PHACTR1: variants seen among roughly 807,000 people sequenced by gnomAD.
The protein encoded by PHACTR1 is phosphatase and actin regulator 1.
In PHACTR1, 16 loss-of-function variants were observed where a neutral mutation model predicts 69.2. That is an observed-to-expected ratio of 0.23 (90% CI 0.16 to 0.35). PHACTR1 has a LOEUF of 0.35. PHACTR1 is among the 10% of genes least tolerant of loss of function. PHACTR1 has a pLI of 1.00. For synonymous variants in PHACTR1, 312 were observed against 284.5 expected (o/e 1.10, Z -0.97); for missense variants, 510 against 734.7 (o/e 0.69, Z 3.54).
chr6:13,105,536 C>A (rs35654535), intron 5 of PHACTR1, among the ~76,000 whole-genome samples: 27,973 of 152,024 alleles, frequency 0.18, 2,733 homozygotes, highest in Middle Eastern at 0.23. Flanking sequence ...TGACACTAAC[C>A]ATCCAGTTAG....
intron 7 of PHACTR1, among the ~76,000 whole-genome samples, chr6:13,196,262 CATTTTTATCCCAGGAATCAAG>C (rs1764399309): frequency 7.8e-6 from 1 of 128,860 alleles, no homozygotes; most frequent in Admixed American, 7.3e-5. Context: ...GGAAAGGAGG[CATTTTTATCCCAGGAATCAAG>C]GGAAAGGAGG....
chr6:12,993,532 C>G (rs1226778361), intron 4 of PHACTR1, among the ~76,000 whole-genome samples: 1 of 152,180 alleles, frequency 6.6e-6, no homozygotes, highest in Non-Finnish European at 1.5e-5. Flanking sequence ...AGAGATGTGA[C>G]AGGCTTGCAT....
chr6:13,105,512 C>G (rs183299255), intron 5 of PHACTR1, among the ~76,000 whole-genome samples: 2 of 152,220 alleles, frequency 1.3e-5, no homozygotes, highest in Non-Finnish European at 2.9e-5. Flanking sequence ...ACTGAGTATA[C>G]AGCAGTTCAA....
intron 4 of PHACTR1, among the ~76,000 whole-genome samples, chr6:12,823,433 C>A (rs1006845981): frequency 1.3e-5 from 2 of 151,924 alleles, no homozygotes; most frequent in Non-Finnish European, 2.9e-5. Flanking sequence ...TCCAATAGTT[C>A]AAAAAAATCA....
intron 4 of PHACTR1, among the ~76,000 whole-genome samples, chr6:13,006,773 T>C (rs1582932372): frequency 6.6e-6 from 1 of 152,320 alleles, no homozygotes; most frequent in Middle Eastern, 3.4e-3. Context: ...CACAAGTTCA[T>C]GTCTCATAGT....
At chr6:12,790,275 C>T (rs1255168248) in intron 4 of PHACTR1, among the ~76,000 whole-genome samples, 1 of 152,094 alleles carries the variant, frequency 6.6e-6, no homozygotes, top group Non-Finnish European at 1.5e-5. Flanking sequence ...GATGGCATTC[C>T]CTAGAATTGC....
intron 5 of PHACTR1, among the ~76,000 whole-genome samples, chr6:13,097,213 T>C (rs988860659): frequency 6.6e-6 from 1 of 152,234 alleles, no homozygotes; most frequent in Non-Finnish European, 1.5e-5. Flanking sequence ...TATTTCTAGA[T>C]CTTCAAATGG....
chr6:12,808,772 CCTT>C (rs1462058962), intron 4 of PHACTR1, among the ~76,000 whole-genome samples: 2 of 59,700 alleles, frequency 3.4e-5, no homozygotes, highest in Non-Finnish European at 7.1e-5. Context: ...TTCTTCTTCT[CCTT>C]CTCCTTCTCC....
chr6:13,177,361 TG>T (rs1761492737), intron 6 of PHACTR1, among the ~76,000 whole-genome samples: 1 of 111,860 alleles, frequency 8.9e-6, no homozygotes, highest in Non-Finnish European at 1.9e-5. Flanking sequence ...GTCTCTCTCT[TG>T]CGCTCTCTCT....
chr6:13,251,864 G>A (rs1774461910), intron 10 of PHACTR1, among the ~76,000 whole-genome samples: 1 of 152,000 alleles, frequency 6.6e-6, no homozygotes, highest in Admixed American at 6.6e-5. Flanking sequence ...AGACCAGCCT[G>A]AGCAACATAG....
intron 10 of PHACTR1, among the ~76,000 whole-genome samples, chr6:13,253,847 C>T (rs889736378): frequency 1.3e-5 from 2 of 152,210 alleles, no homozygotes; most frequent in South Asian, 2.1e-4. Context: ...TGCTGGGAGA[C>T]CTCACTGAAG....
At chr6:12,911,050 C>T (rs1279244862) in intron 4 of PHACTR1, among the ~76,000 whole-genome samples, 1 of 152,126 alleles carries the variant, frequency 6.6e-6, no homozygotes, top group Non-Finnish European at 1.5e-5. Context: ...GGAACAGTCC[C>T]CAAGGTGTCC....
intron 4 of PHACTR1, among the ~76,000 whole-genome samples, chr6:12,753,970 A>ATATATATTT (rs1490045072): frequency 3.0e-5 from 4 of 134,498 alleles, no homozygotes; most frequent in African/African-American, 1.1e-4. Context: ...ATATATATAT[A>ATATATATTT]TTTTTTTTTT....
At chr6:13,044,497 T>C (rs1047786419) in intron 4 of PHACTR1, among the ~76,000 whole-genome samples, 1 of 152,144 alleles carries the variant, frequency 6.6e-6, no homozygotes, top group African/African-American at 2.4e-5. Context: ...TTAATTACTG[T>C]GGGTGGAGGG....
At chr6:13,140,805 G>T (rs538750897) in intron 5 of PHACTR1, among the ~76,000 whole-genome samples, 1 of 152,174 alleles carries the variant, frequency 6.6e-6, no homozygotes, top group Non-Finnish European at 1.5e-5. Context: ...CAAAATGTTT[G>T]TAAAAAATGA....
chr6:13,160,101 C>G (rs1758767179), intron 5 of PHACTR1, 103 bp from the exon 6 acceptor site: 3 of 993,730 alleles, frequency 3.0e-6, no homozygotes, highest in African/African-American at 1.6e-5. Flanking sequence ...TTTACAGAAG[C>G]TTTCTCGTAT....
At chr6:13,220,093 G>A (rs762162219) in intron 8 of PHACTR1, among the ~76,000 whole-genome samples, 3 of 152,166 alleles carry the variant, frequency 2.0e-5, no homozygotes, top group Admixed American at 6.5e-5. Context: ...TTTACAACAC[G>A]CTTTCATAGG....
intron 10 of PHACTR1, among the ~76,000 whole-genome samples, chr6:13,269,360 C>T (rs1260005989): frequency 2.0e-5 from 3 of 152,156 alleles, no homozygotes; most frequent in Non-Finnish European, 2.9e-5. Context: ...CCTCTGACAC[C>T]GGCTCACTCA....
intron 5 of PHACTR1, among the ~76,000 whole-genome samples, chr6:13,107,844 T>C (rs1043221422): frequency 6.6e-6 from 1 of 152,120 alleles, no homozygotes; most frequent in Non-Finnish European, 1.5e-5. Flanking sequence ...TTCATTTTTC[T>C]TTCTAGAAAG....
Sources: allele counts gnomAD v4.1 joint callset (sites outside exome capture counted in the v4.1 genomes callset), GRCh38; gene constraint gnomAD v4.1.1; transcripts MANE v1.5; gene names NCBI Gene and HGNC (gene_info 2026-07-23, HGNC 2026-07-21).